Variants in PVALB observed in about 807,000 individuals in gnomAD.
PVALB encodes parvalbumin alpha.
A neutral mutation model predicts 10.9 loss-of-function variants in PVALB; 11 were observed. The observed-to-expected ratio is 1.01, with a 90% CI of 0.63 to 1.67. The LOEUF (loss-of-function observed/expected upper bound fraction) is 1.67. Among genes scored for constraint, PVALB ranks in the 40% most tolerant of loss-of-function variants. The pLI, the probability that PVALB is intolerant of heterozygous loss-of-function variation, is 0.00. For synonymous variants in PVALB, 57 were observed against 50.7 expected, an observed-to-expected ratio of 1.12 and a Z score of -0.53; for missense variants, 131 against 136.2, an observed-to-expected ratio of 0.96 and a Z score of 0.19.
At position 36,815,240 on chromosome 22, in the gene PVALB, G is replaced by C. The variant is rs550856498; in HGVS notation, c.62-5C>G. On this transcript the variant is annotated splice_region_variant and splice_polypyrimidine_tract_variant and intron_variant, in intron 1 of 3. Transcript: ENST00000417718. ...TGTGGTCGAAGGAGTCGGTAGCTGT[G>C]GGGGGAAGAGCAGGGTCAAACAAGG... The C allele has an allele frequency of 2.0e-5, 33 of 1,613,868 alleles. No homozygotes were observed. The highest frequency in any genetic ancestry group is 2.7e-5 in the Non-Finnish European group (32 of 1,179,896).
chr22:36,814,586 G>A (rs1479401867), intron 2 of PVALB, among the ~76,000 whole-genome samples: 1 of 152,142 alleles, frequency 6.6e-6, no homozygotes, highest in Non-Finnish European at 1.5e-5. Flanking sequence ...CATTTTCCTA[G>A]CCACAGCCTT....
intron 3 of PVALB, among the ~76,000 whole-genome samples, chr22:36,812,117 C>CTTAATTT (rs1430993937): frequency 1.3e-5 from 2 of 152,206 alleles, no homozygotes; most frequent in Non-Finnish European, 2.9e-5. Context: ...TTCACAGAAT[C>CTTAATTT]TTAATTTTCA....
chr22:36,817,096 C>T, upstream of PVALB: 1 of 1,262,434 alleles, frequency 7.9e-7, no homozygotes, highest in Middle Eastern at 2.5e-4. Flanking sequence ...CGCTGCAGTG[C>T]TGCGCGCCGG....
chr22:36,809,435 T>C (rs566943979), intron 3 of PVALB, among the ~76,000 whole-genome samples: 1 of 151,758 alleles, frequency 6.6e-6, no homozygotes, highest in East Asian at 1.9e-4. Flanking sequence ...CATCTTATAG[T>C]AAATTAAACT....
chr22:36,815,266 A>G, intron 1 of PVALB, 31 bp from the exon 2 acceptor site: 1 of 1,613,734 alleles, frequency 6.2e-7, no homozygotes, highest in Non-Finnish European at 8.5e-7. Context: ...TCAAACAAGG[A>G]CCAGAAAGGC....
At chr22:36,815,512 A>C (rs1939125143) in intron 1 of PVALB, 2 of 461,498 alleles carry the variant, frequency 4.3e-6, no homozygotes, top group East Asian at 8.4e-5. Context: ...CCCATTGCTG[A>C]TGATGGGAGC....
intron 3 of PVALB, among the ~76,000 whole-genome samples, chr22:36,810,481 G>T (rs1176129113): frequency 6.6e-6 from 1 of 152,186 alleles, no homozygotes; most frequent in Non-Finnish European, 1.5e-5. Context: ...TGAAGTGTGG[G>T]GCCCCAGTGC....
chr22:36,806,224 A>G (rs1938947593), intron 3 of PVALB, among the ~76,000 whole-genome samples: 1 of 152,188 alleles, frequency 6.6e-6, no homozygotes, highest in Non-Finnish European at 1.5e-5. Context: ...GTACTTTTGC[A>G]GTCTAAATCC....
At chr22:36,808,346 G>A (rs1293631716) in intron 3 of PVALB, among the ~76,000 whole-genome samples, 10 of 152,010 alleles carry the variant, frequency 6.6e-5, no homozygotes, top group Non-Finnish European at 8.8e-5. Flanking sequence ...ACACTCTGCG[G>A]GGGCAGGCAT....
rs777932570 is a variant in PVALB at position 36,813,643 on chromosome 22, C to G, written c.304+3G>C. ...GCCCAGACCCCAGGTCACGGCTACC[C>G]ACCGTCAACCCCAATTTTGCCGTCC... On this transcript the variant is annotated splice_donor_region_variant and intron_variant, in intron 3 of 3. Transcript: ENST00000417718. 2 of 1,610,782 alleles carry G rather than the reference C, an allele frequency of 1.2e-6. No homozygotes were observed. Among genetic ancestry groups the G allele is most frequent in the East Asian group, 4.5e-5 (2 of 44,888 alleles).
chr22:36,805,460 A>G (rs1244270889), intron 3 of PVALB, among the ~76,000 whole-genome samples: 2 of 152,174 alleles, frequency 1.3e-5, no homozygotes, highest in Non-Finnish European at 2.9e-5. Context: ...GAGGCTCTAA[A>G]TGGTATTGTA....
At chr22:36,813,398 C>T in intron 3 of PVALB, 2 of 475,840 alleles carry the variant, frequency 4.2e-6, no homozygotes, top group Non-Finnish European at 7.5e-6. Flanking sequence ...CTCCTGGATC[C>T]CCTACCCAGC....
chr22:36,812,805 C>T (rs780514636), intron 3 of PVALB, among the ~76,000 whole-genome samples: 7 of 152,230 alleles, frequency 4.6e-5, no homozygotes, highest in African/African-American at 9.6e-5. Flanking sequence ...CCCACTCCAC[C>T]GCTATGTCCT....
At chr22:36,818,477 C>G (rs1939185754), upstream of PVALB, 1 of 152,862 alleles carries the variant, frequency 6.5e-6, no homozygotes, top group South Asian at 2.1e-4. Flanking sequence ...CAAGCCACAG[C>G]CCGCCAGATG....
chr22:36,805,781 A>G (rs574821081), intron 3 of PVALB, among the ~76,000 whole-genome samples: 60 of 152,202 alleles, frequency 3.9e-4, no homozygotes, highest in African/African-American at 1.4e-3. Context: ...TCCCGTGTGG[A>G]TCTCCCCAGC....
At chr22:36,811,374 T>C in intron 3 of PVALB, 1 of 407,272 alleles carries the variant, frequency 2.5e-6, no homozygotes, top group Non-Finnish European at 5.1e-6. Flanking sequence ...CACATTTCCA[T>C]GTTATAATGC....
At chr22:36,817,827 C>A (rs142436270), upstream of PVALB, among the ~76,000 whole-genome samples, 243 of 152,288 alleles carry the variant, frequency 1.6e-3, 1 homozygote, top group African/African-American at 4.8e-3. Flanking sequence ...CAGACTCCCC[C>A]TACTCCTATA....
chr22:36,805,050 G>A (rs780226675), intron 3 of PVALB, among the ~76,000 whole-genome samples: 27 of 152,232 alleles, frequency 1.8e-4, no homozygotes, highest in Non-Finnish European at 3.2e-4. Flanking sequence ...GCTTTGAATG[G>A]TCGGGTTCTA....
chr22:36,817,727 T>C (rs140026580), upstream of PVALB, among the ~76,000 whole-genome samples: 11 of 152,330 alleles, frequency 7.2e-5, no homozygotes, highest in Non-Finnish European at 1.5e-4. Context: ...ATTTTTTATT[T>C]TTTTGCTGGC....
Sources: allele counts gnomAD v4.1 joint callset (sites outside exome capture counted in the v4.1 genomes callset), GRCh38; gene constraint gnomAD v4.1.1; transcripts MANE v1.5; gene names NCBI Gene and HGNC (gene_info 2026-07-23, HGNC 2026-07-21).